The following AFF3 variants were observed in gnomAD, a reference collection of about 807,000 sequenced individuals.
AFF3 encodes the protein AF4/FMR2 family member 3.
A neutral mutation model predicts 129.7 loss-of-function variants in AFF3; 32 were observed. The observed-to-expected ratio is 0.25, with a 90% CI of 0.19 to 0.33. AFF3 has a LOEUF of 0.33. AFF3 is among the 10% of genes least tolerant of loss of function. AFF3 has a pLI of 1.00. For synonymous variants in AFF3, 644 were observed against 635.4 expected, an observed-to-expected ratio of 1.01 and a Z score of -0.20; for missense variants, 1,373 against 1,592.0, an observed-to-expected ratio of 0.86 and a Z score of 2.34.
chr2:99,948,594 C>A (rs926697402), intron 7 of AFF3, among the ~76,000 whole-genome samples: 2 of 152,180 alleles, frequency 1.3e-5, no homozygotes, highest in African/African-American at 4.8e-5. Context: ...TAACTTAAAT[C>A]AGCTTTTTGC....
intron 8 of AFF3, among the ~76,000 whole-genome samples, chr2:99,766,086 G>A (rs1682985741): frequency 6.6e-6 from 1 of 152,192 alleles, no homozygotes; most frequent in Non-Finnish European, 1.5e-5. Context: ...GGAGTGTAGC[G>A]GGAGGCTACC....
intron 7 of AFF3, among the ~76,000 whole-genome samples, chr2:99,925,647 T>A (rs1228281907): frequency 6.6e-6 from 1 of 152,204 alleles, no homozygotes; most frequent in African/African-American, 2.4e-5. Flanking sequence ...ACCACGGAAA[T>A]ATGTCTTTAC....
chr2:99,607,940 G>C (rs893454636), intron 13 of AFF3, among the ~76,000 whole-genome samples: 1 of 152,188 alleles, frequency 6.6e-6, no homozygotes. Flanking sequence ...GATTGAAGAG[G>C]TTTGCTATTG....
intron 9 of AFF3, among the ~76,000 whole-genome samples, chr2:99,745,235 T>C (rs775862597): frequency 5.9e-5 from 9 of 152,166 alleles, no homozygotes; most frequent in Non-Finnish European, 1.3e-4. Context: ...TTTTTGTTGT[T>C]GAGTTGAATG....
chr2:99,866,985 TAATAATAATAATAATAAAA>T (rs1431563519), intron 7 of AFF3, among the ~76,000 whole-genome samples: 3 of 104,878 alleles, frequency 2.9e-5, no homozygotes, highest in South Asian at 3.5e-4. Context: ...ATAATAATAA[TAATAATAATAATAATAAAA>T]AATAAATAAA....
At chr2:99,687,618 G>A (rs962687614) in intron 11 of AFF3, among the ~76,000 whole-genome samples, 33 of 152,158 alleles carry the variant, frequency 2.2e-4, no homozygotes, top group African/African-American at 7.7e-4. Context: ...CCCAAGCGAG[G>A]GTCTCATAAG....
intron 4 of AFF3, among the ~76,000 whole-genome samples, chr2:100,102,162 G>A (rs991308232): frequency 6.6e-6 from 1 of 151,768 alleles, no homozygotes; most frequent in Non-Finnish European, 1.5e-5. Flanking sequence ...CCATCTATAA[G>A]CTTAAAAGTA....
At position 100,008,958 on chromosome 2, in the gene AFF3, C is replaced by A. The variant is rs778709399; in HGVS notation, c.54-26G>T. 3 of 1,611,232 alleles carry A rather than the reference C, an allele frequency of 1.9e-6. No individual in the cohort carries two copies. In the African/African-American group the frequency reaches 4.0e-5, roughly 22 times the overall value. Reference sequence around the variant, plus strand: ...CTGCATCAGGAAAAAGAAGAGAGAACAACCACACACACAAATTAAACTGTA... The same window carrying A: ...CTGCATCAGGAAAAAGAAGAGAGAAAAACCACACACACAAATTAAACTGTA... On this transcript the variant is annotated intron_variant, in intron 4 of 24. Transcript: ENST00000672756.
At chr2:99,935,316 C>T (rs754778004) in intron 7 of AFF3, among the ~76,000 whole-genome samples, 5 of 151,984 alleles carry the variant, frequency 3.3e-5, no homozygotes, top group East Asian at 1.9e-4. Context: ...ATGTCACTTT[C>T]GGAAGAACCC....
chr2:99,667,793 C>G (rs1002719180), intron 12 of AFF3, among the ~76,000 whole-genome samples: 3 of 152,060 alleles, frequency 2.0e-5, no homozygotes, highest in African/African-American at 7.2e-5. Context: ...ACCACTTATA[C>G]CCAGTATGAA....
intron 4 of AFF3, among the ~76,000 whole-genome samples, chr2:100,046,443 G>A (rs1026883234): frequency 6.6e-6 from 1 of 152,164 alleles, no homozygotes; most frequent in Non-Finnish European, 1.5e-5. Flanking sequence ...AGGAGACGAA[G>A]GGACAGGAAA....
intron 7 of AFF3, among the ~76,000 whole-genome samples, chr2:99,843,388 T>G (rs1263861607): frequency 2.0e-5 from 3 of 152,140 alleles, no homozygotes; most frequent in Non-Finnish European, 4.4e-5. Flanking sequence ...CCTCCTCTGA[T>G]CCTCCTGTCT....
At chr2:99,921,126 T>C (rs1331370473) in intron 7 of AFF3, among the ~76,000 whole-genome samples, 1 of 152,034 alleles carries the variant, frequency 6.6e-6, no homozygotes, top group Non-Finnish European at 1.5e-5. Context: ...AGAAAACACA[T>C]AAAAATACAA....
intron 8 of AFF3, among the ~76,000 whole-genome samples, chr2:99,757,651 G>C (rs1263412870): frequency 6.6e-6 from 1 of 151,852 alleles, no homozygotes; most frequent in African/African-American, 2.4e-5. Flanking sequence ...CCATATCCTG[G>C]GCTACCTCTA....
intron 7 of AFF3, among the ~76,000 whole-genome samples, chr2:99,972,129 A>C (rs542557370): frequency 3.5e-4 from 54 of 152,332 alleles, no homozygotes; most frequent in African/African-American, 1.3e-3. Flanking sequence ...GCAGGGGACT[A>C]TAAGATTAGG....
At chr2:99,925,694 G>A (rs1366243547) in intron 7 of AFF3, among the ~76,000 whole-genome samples, 2 of 152,220 alleles carry the variant, frequency 1.3e-5, no homozygotes, top group Non-Finnish European at 2.9e-5. Flanking sequence ...CCCTCACTGA[G>A]GCTGTCTGGG....
chr2:99,923,915 C>A (rs933107263), intron 7 of AFF3, among the ~76,000 whole-genome samples: 1 of 151,946 alleles, frequency 6.6e-6, no homozygotes, highest in Non-Finnish European at 1.5e-5. Context: ...AAATCAATAC[C>A]TACCTATAAA....
chr2:99,673,964 C>T (rs539751489), intron 11 of AFF3, among the ~76,000 whole-genome samples: 4 of 152,284 alleles, frequency 2.6e-5, no homozygotes, highest in South Asian at 4.1e-4. Context: ...CTTTAGATTC[C>T]GTTGTGAGTC....
At chr2:99,786,414 C>T (rs947379386) in intron 8 of AFF3, among the ~76,000 whole-genome samples, 11 of 152,194 alleles carry the variant, frequency 7.2e-5, no homozygotes, top group African/African-American at 1.7e-4. Context: ...AAGATTAACA[C>T]GGCCATAAAG....
Sources: allele counts gnomAD v4.1 joint callset (sites outside exome capture counted in the v4.1 genomes callset), GRCh38; gene constraint gnomAD v4.1.1; transcripts MANE v1.5; gene names NCBI Gene and HGNC (gene_info 2026-07-23, HGNC 2026-07-21).